PDE1C: variants seen among roughly 807,000 people sequenced by gnomAD.
The protein encoded by PDE1C is dual specificity calcium/calmodulin-dependent 3',5'-cyclic nucleotide phosphodiesterase 1C.
In PDE1C, 62 loss-of-function variants were observed where a neutral mutation model predicts 93.1. That is an observed-to-expected ratio of 0.67 (90% CI 0.54 to 0.82). The LOEUF (loss-of-function observed/expected upper bound fraction) is 0.82, where lower values mean the gene tolerates loss of function less well. Ranked by LOEUF, PDE1C falls within the 40% of genes least tolerant of loss-of-function variation. PDE1C has a pLI of 0.00. For missense variants in PDE1C, 742 were observed against 884.6 expected, an observed-to-expected ratio of 0.84 and a Z score of 2.04; for synonymous variants, 325 against 310.1, an observed-to-expected ratio of 1.05 and a Z score of -0.50.
At chr7:31,866,624 G>C (rs1399661621) in intron 6 of PDE1C, among the ~76,000 whole-genome samples, 3 of 152,098 alleles carry the variant, frequency 2.0e-5, no homozygotes, top group Admixed American at 6.5e-5. Context: ...TAGGCATCTG[G>C]CACTCACCTC....
At chr7:32,360,797 C>T (rs1165912561) in intron 1 of PDE1C, among the ~76,000 whole-genome samples, 1 of 152,158 alleles carries the variant, frequency 6.6e-6, no homozygotes, top group Non-Finnish European at 1.5e-5. Flanking sequence ...TCTCTGAAGA[C>T]ATAAAATTTC....
chr7:31,630,987 C>T, the PDE1C span, among the ~76,000 whole-genome samples: 17 of 152,190 alleles, frequency 1.1e-4, no homozygotes, highest in African/African-American at 3.4e-4. Context: ...ATAAATTGTT[C>T]AGTTGGTGAC....
upstream of PDE1C, chr7:32,070,494 G>T: frequency 6.4e-7 from 1 of 1,558,230 alleles, no homozygotes; most frequent in Middle Eastern, 2.2e-4. Flanking sequence ...GGCGCGGCGC[G>T]CGTTTGCCCG....
At chr7:31,695,342 A>G in the PDE1C span, 1 of 784,866 alleles carries the variant, frequency 1.3e-6, no homozygotes, top group Non-Finnish European at 1.9e-6. Context: ...ACAATAAATA[A>G]ACACTTTTCC....
chr7:31,890,149 A>G (rs970309812), intron 2 of PDE1C, among the ~76,000 whole-genome samples: 13 of 152,206 alleles, frequency 8.5e-5, no homozygotes, highest in Admixed American at 7.2e-4. Flanking sequence ...AATGAAAAAT[A>G]CAACCCAGAG....
intron 2 of PDE1C, among the ~76,000 whole-genome samples, chr7:32,017,334 T>G (rs1001892412): frequency 2.0e-5 from 3 of 152,110 alleles, no homozygotes; most frequent in Non-Finnish European, 2.9e-5. Flanking sequence ...TTACATCATA[T>G]GCAAAAATAA....
the PDE1C span, among the ~76,000 whole-genome samples, chr7:31,668,341 A>G: frequency 1.3e-5 from 2 of 152,194 alleles, no homozygotes; most frequent in Non-Finnish European, 2.9e-5. Flanking sequence ...AAGAAAATAA[A>G]TATGTATGTT....
chr7:32,081,471 G>A (rs988947528), intron 3 of PDE1C, among the ~76,000 whole-genome samples: 3 of 152,154 alleles, frequency 2.0e-5, no homozygotes, highest in African/African-American at 7.2e-5. Context: ...ACTGCATCCT[G>A]CCCTGAAATC....
chr7:31,623,017 A>C, the PDE1C span, among the ~76,000 whole-genome samples: 3 of 152,206 alleles, frequency 2.0e-5, no homozygotes, highest in Non-Finnish European at 2.9e-5. Context: ...AAATGGATAA[A>C]TTCCTCAACA....
chr7:31,770,116 A>T (rs1795389288), intron 17 of PDE1C, among the ~76,000 whole-genome samples: 1 of 152,214 alleles, frequency 6.6e-6, no homozygotes, highest in African/African-American at 2.4e-5. Context: ...GTGCATGTGA[A>T]GTGGTATATC....
chr7:31,900,605 C>T (rs752441924), intron 2 of PDE1C, among the ~76,000 whole-genome samples: 32 of 151,002 alleles, frequency 2.1e-4, no homozygotes, highest in Non-Finnish European at 3.5e-4. Context: ...ATCCAATATC[C>T]CATATAATAT....
chr7:32,323,677 C>G (rs976040511), intron 1 of PDE1C, among the ~76,000 whole-genome samples: 1 of 152,194 alleles, frequency 6.6e-6, no homozygotes, highest in Non-Finnish European at 1.5e-5. Context: ...AAAAAAGACT[C>G]TAAGGGAATA....
chr7:32,211,882 C>T (rs957514001), intron 1 of PDE1C, among the ~76,000 whole-genome samples: 7 of 151,362 alleles, frequency 4.6e-5, no homozygotes, highest in African/African-American at 9.7e-5. Flanking sequence ...ACAACTTAGC[C>T]GGGTGTGGTG....
the PDE1C span, among the ~76,000 whole-genome samples, chr7:31,644,803 T>C: frequency 1.3e-5 from 2 of 152,110 alleles, no homozygotes; most frequent in Admixed American, 6.5e-5. Flanking sequence ...GTATAGAGAG[T>C]TGAAAAGGTG....
chr7:31,967,863 T>G (rs1475410220), intron 2 of PDE1C, among the ~76,000 whole-genome samples: 3 of 152,102 alleles, frequency 2.0e-5, no homozygotes, highest in African/African-American at 7.2e-5. Flanking sequence ...AAAACCACAT[T>G]ATTATCTCAA....
At chr7:32,000,050 T>C (rs1193092479) in intron 2 of PDE1C, among the ~76,000 whole-genome samples, 2 of 152,168 alleles carry the variant, frequency 1.3e-5, no homozygotes, top group East Asian at 3.9e-4. Flanking sequence ...TGAGCTCCCA[T>C]GTTCTCATCT....
At chr7:31,933,671 T>C (rs567253509) in intron 2 of PDE1C, among the ~76,000 whole-genome samples, 6 of 152,282 alleles carry the variant, frequency 3.9e-5, no homozygotes, top group Non-Finnish European at 8.8e-5. Context: ...TGGGGGCAGA[T>C]ACCTTATGAA....
intron 1 of PDE1C, among the ~76,000 whole-genome samples, chr7:32,282,247 C>G (rs1485242992): frequency 6.6e-6 from 1 of 151,746 alleles, no homozygotes; most frequent in African/African-American, 2.4e-5. Context: ...GAGACAGAGG[C>G]AGGCAGATCT....
intron 14 of PDE1C, among the ~76,000 whole-genome samples, chr7:31,818,346 C>T (rs1788525129): frequency 6.6e-6 from 1 of 152,106 alleles, no homozygotes; most frequent in Non-Finnish European, 1.5e-5. Context: ...AAAAGGTTCC[C>T]TGGAATGTTC....
Sources: allele counts gnomAD v4.1 joint callset (sites outside exome capture counted in the v4.1 genomes callset), GRCh38; gene constraint gnomAD v4.1.1; transcripts MANE v1.5; gene names NCBI Gene and HGNC (gene_info 2026-07-23, HGNC 2026-07-21).